The following CTNNA3 variants were observed in gnomAD, a reference collection of about 807,000 sequenced individuals.
The protein encoded by CTNNA3 is catenin alpha 3.
CTNNA3 carries 76 observed loss-of-function variants against 95.7 expected under a neutral mutation model. That is an observed-to-expected ratio of 0.79 (90% CI 0.66 to 0.96). The LOEUF (loss-of-function observed/expected upper bound fraction) is 0.96. CTNNA3 is among the 40% of genes least tolerant of loss of function. CTNNA3 has a pLI of 0.00. For synonymous variants in CTNNA3, 431 were observed against 374.4 expected, an observed-to-expected ratio of 1.15 and a Z score of -1.74; for missense variants, 1,191 against 1,089.8, an observed-to-expected ratio of 1.09 and a Z score of -1.31.
intron 5 of CTNNA3, among the ~76,000 whole-genome samples, chr10:67,364,448 T>A (rs1843127656): frequency 6.6e-6 from 1 of 152,058 alleles, no homozygotes; most frequent in Admixed American, 6.6e-5. Context: ...TCCTATTCAA[T>A]GTAGTGTTGG....
chr10:66,583,487 T>A (rs1843261380), intron 10 of CTNNA3, among the ~76,000 whole-genome samples: 1 of 151,850 alleles, frequency 6.6e-6, no homozygotes, highest in Non-Finnish European at 1.5e-5. Flanking sequence ...TTCACAGTAG[T>A]CCCAAATAAT....
At chr10:67,205,073 G>C (rs2394348) in intron 6 of CTNNA3, among the ~76,000 whole-genome samples, 9,749 of 152,082 alleles carry the variant, frequency 0.064, 474 homozygotes, top group African/African-American at 0.13. Context: ...TCATCTCTTC[G>C]TAACCTGGTG....
intron 7 of CTNNA3, among the ~76,000 whole-genome samples, chr10:67,121,592 T>C (rs1859464232): frequency 6.6e-6 from 1 of 151,892 alleles, no homozygotes; most frequent in Admixed American, 6.6e-5. Flanking sequence ...CACTATTGAG[T>C]AGTATAGGAT....
At chr10:66,328,712 A>G (rs1415346647) in intron 12 of CTNNA3, among the ~76,000 whole-genome samples, 1 of 151,386 alleles carries the variant, frequency 6.6e-6, no homozygotes, top group Non-Finnish European at 1.5e-5. Context: ...GAAGCCCACA[A>G]TATGCCTTCT....
intron 12 of CTNNA3, among the ~76,000 whole-genome samples, chr10:66,336,270 T>C (rs1166016039): frequency 1.3e-5 from 2 of 152,034 alleles, no homozygotes; most frequent in Admixed American, 6.5e-5. Context: ...CCCAGTGAGA[T>C]GAACCTGGTA....
chr10:66,867,735 T>C (rs778440414), intron 7 of CTNNA3, among the ~76,000 whole-genome samples: 11 of 151,888 alleles, frequency 7.2e-5, no homozygotes, highest in Non-Finnish European at 1.3e-4. Flanking sequence ...AACAAAATAC[T>C]CTGAACATGC....
intron 14 of CTNNA3, among the ~76,000 whole-genome samples, chr10:66,084,522 G>C (rs1051069863): frequency 1.3e-5 from 2 of 152,040 alleles, no homozygotes; most frequent in Admixed American, 6.6e-5. Flanking sequence ...CAAAAATGTA[G>C]GCAGTACCTA....
chr10:67,341,465 G>A (rs1468370625), intron 5 of CTNNA3, among the ~76,000 whole-genome samples: 1 of 152,088 alleles, frequency 6.6e-6, no homozygotes, highest in East Asian at 1.9e-4. Flanking sequence ...TCTGTGCCTT[G>A]CTTATTTCAC....
chr10:66,131,813 A>G (rs111252122), intron 13 of CTNNA3, among the ~76,000 whole-genome samples: 1,532 of 152,314 alleles, frequency 0.01, 33 homozygotes, highest in African/African-American at 0.035. Context: ...AGGACTCCCT[A>G]TTCAATAAAA....
At chr10:65,940,644 G>T (rs1005929168) in intron 17 of CTNNA3, among the ~76,000 whole-genome samples, 1 of 152,142 alleles carries the variant, frequency 6.6e-6, no homozygotes, top group Non-Finnish European at 1.5e-5. Context: ...AAACAGAATT[G>T]AGATGCATAG....
chr10:66,230,041 CTT>C (rs2089512100), intron 13 of CTNNA3, among the ~76,000 whole-genome samples: 1 of 151,714 alleles, frequency 6.6e-6, no homozygotes, highest in Non-Finnish European at 1.5e-5. Flanking sequence ...TTTTATTTCA[CTT>C]ATTGAATTTT....
intron 13 of CTNNA3, among the ~76,000 whole-genome samples, chr10:66,164,988 A>G (rs1291095357): frequency 6.6e-6 from 1 of 152,308 alleles, no homozygotes; most frequent in African/African-American, 2.4e-5. Flanking sequence ...TTCTGTTCCT[A>G]TCTGACACTT....
At chr10:67,453,727 G>A (rs1309975221) in intron 5 of CTNNA3, among the ~76,000 whole-genome samples, 4 of 152,192 alleles carry the variant, frequency 2.6e-5, no homozygotes, top group African/African-American at 9.7e-5. Context: ...AGAAAAATCT[G>A]CAAGATTCCC....
intron 7 of CTNNA3, among the ~76,000 whole-genome samples, chr10:67,044,121 T>C (rs1037571098): frequency 6.6e-6 from 1 of 151,956 alleles, no homozygotes; most frequent in African/African-American, 2.4e-5. Flanking sequence ...TAGTCGCCAG[T>C]GTCTATTGTT....
At chr10:67,500,343 C>A (rs770597134) in intron 5 of CTNNA3, among the ~76,000 whole-genome samples, 5 of 152,198 alleles carry the variant, frequency 3.3e-5, no homozygotes, top group Admixed American at 6.5e-5. Context: ...GAGTGTTTTA[C>A]TTCCAATTAT....
chr10:67,339,231 A>C (rs1209164338), intron 5 of CTNNA3, among the ~76,000 whole-genome samples: 1 of 152,328 alleles, frequency 6.6e-6, no homozygotes, highest in East Asian at 1.9e-4. Context: ...CCTTATTAAG[A>C]CTATATTTTT....
At chr10:67,127,414 C>G (rs1262687233) in intron 7 of CTNNA3, among the ~76,000 whole-genome samples, 2 of 152,184 alleles carry the variant, frequency 1.3e-5, no homozygotes, top group Non-Finnish European at 2.9e-5. Flanking sequence ...CCTTCACTTA[C>G]ATAAAATGAA....
intron 15 of CTNNA3, among the ~76,000 whole-genome samples, chr10:66,068,087 T>C (rs1192013462): frequency 6.6e-6 from 1 of 152,220 alleles, no homozygotes; most frequent in Non-Finnish European, 1.5e-5. Flanking sequence ...TTCAACACGA[T>C]GCTCTGTACC....
chr10:65,967,634 A>G (rs910534836), intron 16 of CTNNA3, among the ~76,000 whole-genome samples: 1 of 152,208 alleles, frequency 6.6e-6, no homozygotes, highest in Non-Finnish European at 1.5e-5. Context: ...CACATGTTTT[A>G]GAATATTAAA....
Sources: allele counts gnomAD v4.1 joint callset (sites outside exome capture counted in the v4.1 genomes callset), GRCh38; gene constraint gnomAD v4.1.1; transcripts MANE v1.5; gene names NCBI Gene and HGNC (gene_info 2026-07-23, HGNC 2026-07-21).